DCC: variants seen among roughly 807,000 people sequenced by gnomAD.
DCC encodes DCC netrin 1 receptor.
DCC carries 58 observed loss-of-function variants against 172.5 expected under a neutral mutation model. That is an observed-to-expected ratio of 0.34 (90% CI 0.27 to 0.42). The LOEUF is 0.42. Among genes scored for constraint, DCC ranks in the 10% least tolerant of loss-of-function variants. The pLI is 1.00. For missense variants in DCC, 1,740 were observed against 1,791.0 expected (o/e 0.97, Z 0.51); for synonymous variants, 709 against 644.5 (o/e 1.10, Z -1.52).
chr18:53,152,694 A>G (rs1221070121), intron 7 of DCC, among the ~76,000 whole-genome samples: 1 of 152,222 alleles, frequency 6.6e-6, no homozygotes, highest in Non-Finnish European at 1.5e-5. Flanking sequence ...GATTAGGGCC[A>G]GACTGGAGAT....
chr18:52,807,280 CCT>C (rs2038106162), intron 2 of DCC, among the ~76,000 whole-genome samples: 1 of 152,140 alleles, frequency 6.6e-6, no homozygotes, highest in African/African-American at 2.4e-5. Context: ...GCGCCTCCTG[CCT>C]CTCTAGCACG....
chr18:52,883,661 T>C (rs2145409418), intron 2 of DCC, among the ~76,000 whole-genome samples: 1 of 152,174 alleles, frequency 6.6e-6, no homozygotes. Flanking sequence ...GTACTTATTG[T>C]ACTCTTGAAA....
chr18:53,499,217 G>T, intron 26 of DCC, 81 bp from the exon 27 acceptor site: 1 of 1,379,310 alleles, frequency 7.3e-7, no homozygotes. Flanking sequence ...TCTCTGAATG[G>T]ATGCAGGGAC....
At chr18:52,633,075 T>A (rs1026316923) in intron 1 of DCC, among the ~76,000 whole-genome samples, 2 of 152,108 alleles carry the variant, frequency 1.3e-5, no homozygotes, top group Admixed American at 1.3e-4. Flanking sequence ...AGACCTAAAA[T>A]TTCATGTCAT....
intron 3 of DCC, among the ~76,000 whole-genome samples, chr18:52,913,118 TG>T (rs985065597): frequency 6.6e-6 from 1 of 152,062 alleles, no homozygotes; most frequent in East Asian, 1.9e-4. Flanking sequence ...CTGCCCTCCT[TG>T]GTAACTAGGG....
chr18:53,526,163 C>T (rs554821047), intron 27 of DCC, among the ~76,000 whole-genome samples: 39 of 152,200 alleles, frequency 2.6e-4, no homozygotes, highest in Non-Finnish European at 5.1e-4. Context: ...TTTATTCTAA[C>T]GTCTTATGCT....
intron 7 of DCC, among the ~76,000 whole-genome samples, chr18:53,127,573 T>C (rs897229099): frequency 8.5e-5 from 13 of 152,146 alleles, no homozygotes; most frequent in African/African-American, 3.1e-4. Context: ...TTTTTGGTTT[T>C]ATAATTTGCA....
At chr18:53,196,749 G>A (rs556257329) in intron 9 of DCC, among the ~76,000 whole-genome samples, 11 of 152,072 alleles carry the variant, frequency 7.2e-5, no homozygotes, top group African/African-American at 2.6e-4. Flanking sequence ...ATACGTAATG[G>A]CGCAGTTTAG....
intron 28 of DCC, among the ~76,000 whole-genome samples, chr18:53,528,807 T>G (rs892515759): frequency 2.6e-5 from 4 of 152,136 alleles, no homozygotes; most frequent in Admixed American, 2.6e-4. Flanking sequence ...TTTTTTGTAC[T>G]GTTCCAAAAC....
At chr18:53,102,565 T>C (rs868590263) in intron 7 of DCC, among the ~76,000 whole-genome samples, 1 of 152,086 alleles carries the variant, frequency 6.6e-6, no homozygotes, top group African/African-American at 2.4e-5. Context: ...TGAGTGAGCA[T>C]TGCTCCCTCA....
chr18:53,125,258 C>T (rs535273679), intron 7 of DCC, among the ~76,000 whole-genome samples: 4 of 152,054 alleles, frequency 2.6e-5, no homozygotes, highest in African/African-American at 4.8e-5. Context: ...TTTTGTTATC[C>T]TTTTTGCAAA....
chr18:53,257,170 G>T (rs933188708), intron 12 of DCC, among the ~76,000 whole-genome samples: 24 of 152,144 alleles, frequency 1.6e-4, no homozygotes, highest in South Asian at 4.2e-4. Context: ...AGGGACAATT[G>T]GACTTCCTCT....
intron 2 of DCC, among the ~76,000 whole-genome samples, chr18:52,829,589 T>C (rs1195232037): frequency 6.6e-6 from 1 of 152,190 alleles, no homozygotes; most frequent in Non-Finnish European, 1.5e-5. Context: ...TTCAAGAGTC[T>C]GACAGGACCC....
intron 7 of DCC, among the ~76,000 whole-genome samples, chr18:53,153,628 G>T (rs1029472825): frequency 5.9e-5 from 9 of 152,130 alleles, no homozygotes; most frequent in Non-Finnish European, 1.2e-4. Flanking sequence ...TTATTTTAAA[G>T]ATTTAAAAAC....
chr18:52,990,138 G>T (rs1329207895), intron 5 of DCC, among the ~76,000 whole-genome samples: 1 of 152,112 alleles, frequency 6.6e-6, no homozygotes, highest in African/African-American at 2.4e-5. Context: ...ATAGTAAGTT[G>T]GTGGTATACG....
intron 9 of DCC, among the ~76,000 whole-genome samples, chr18:53,203,706 A>G (rs2055580346): frequency 6.6e-6 from 1 of 152,188 alleles, no homozygotes; most frequent in Admixed American, 6.6e-5. Context: ...ATGGAAGTTC[A>G]AACTCTCAGA....
intron 27 of DCC, among the ~76,000 whole-genome samples, chr18:53,506,182 A>C (rs2046172599): frequency 6.6e-6 from 1 of 152,146 alleles, no homozygotes; most frequent in South Asian, 2.1e-4. Flanking sequence ...CATATGGTGG[A>C]CACTCGAATG....
intron 14 of DCC, 139 bp downstream of exon 14, chr18:53,322,296 G>A: frequency 1.5e-6 from 1 of 684,488 alleles, no homozygotes; most frequent in South Asian, 1.6e-5. Flanking sequence ...ACACAACAGG[G>A]AAACATTAGT....
At position 52,370,831 on chromosome 18, in the gene DCC, A is replaced by C. The variant is rs138380863; in HGVS notation, c.91+29953A>C. On this transcript the variant is annotated intron_variant, in intron 1 of 28. Coordinates refer to ENST00000442544, the MANE Select transcript of DCC (RefSeq NM_005215.4). The stretch of plus-strand genomic sequence containing the variant: ...AGAAATTGTTTAACCATTTTAAAAA[A>C]TATTTTTTGATGGAGAAGAAAGGAA... 4.1e-4 allele frequency among the ~76,000 whole-genome samples: 62 copies of C among 152,370 alleles called. 1 individual carries two copies. The East Asian group carries it at 5.6e-3, about 14-fold the overall frequency.
Sources: gnomAD v4.1 joint callset for allele counts (sites outside exome capture counted in the v4.1 genomes callset) on GRCh38, gnomAD v4.1.1 for gene constraint, MANE v1.5 for transcripts, NCBI Gene and HGNC (gene_info 2026-07-23, HGNC 2026-07-21) for gene names.